LUZP2: variants seen among roughly 807,000 people sequenced by gnomAD.
The protein encoded by LUZP2 is leucine zipper protein 2.
In LUZP2, 52 loss-of-function variants were observed where a neutral mutation model predicts 51.6. The observed-to-expected ratio is 1.01, with a 90% CI of 0.81 to 1.27. The LOEUF is 1.27. LUZP2 is among the 50% of genes most tolerant of loss of function. The probability of loss-of-function intolerance (pLI) is 0.00; values close to 1 mark genes in which losing one functional copy is unlikely to be tolerated. For missense variants in LUZP2, 436 were observed against 395.4 expected (o/e 1.10, Z -0.87); for synonymous variants, 154 against 137.3 (o/e 1.12, Z -0.85).
At chr11:24,659,357 T>G (rs1408128365) in intron 1 of LUZP2, among the ~76,000 whole-genome samples, 1 of 151,834 alleles carries the variant, frequency 6.6e-6, no homozygotes, top group African/African-American at 2.4e-5. Flanking sequence ...CACTCATAGG[T>G]GGGAATTGAA....
At chr11:25,019,882 T>C (rs1562265) in intron 9 of LUZP2, among the ~76,000 whole-genome samples, 86,318 of 150,416 alleles carry the variant, frequency 0.57, 25,430 homozygotes, top group African/African-American at 0.74. Context: ...AAAATGACTC[T>C]AGATTTTCAC....
chr11:24,938,565 A>T (rs2133845624), intron 7 of LUZP2, among the ~76,000 whole-genome samples: 1 of 127,692 alleles, frequency 7.8e-6, no homozygotes, highest in Admixed American at 8.1e-5. Flanking sequence ...TATTGAAAAT[A>T]GCTCTGTGGA....
chr11:24,656,603 G>C (rs1169920309), intron 1 of LUZP2, among the ~76,000 whole-genome samples: 2 of 152,158 alleles, frequency 1.3e-5, no homozygotes, highest in Non-Finnish European at 2.9e-5. Flanking sequence ...ATCTTCTTCC[G>C]AGCTCCTTCA....
chr11:24,660,111 C>T (rs1017540954), intron 1 of LUZP2, among the ~76,000 whole-genome samples: 3 of 152,116 alleles, frequency 2.0e-5, no homozygotes, highest in Non-Finnish European at 4.4e-5. Flanking sequence ...AGGAAGCGAC[C>T]ATGCATTCTA....
chr11:24,520,273 A>C (rs1357461910), intron 1 of LUZP2, among the ~76,000 whole-genome samples: 1 of 152,222 alleles, frequency 6.6e-6, no homozygotes, highest in Non-Finnish European at 1.5e-5. Flanking sequence ...TCTAAAACGC[A>C]CTAGTGTATG....
At chr11:24,853,891 G>A (rs1488919884) in intron 5 of LUZP2, among the ~76,000 whole-genome samples, 3 of 152,192 alleles carry the variant, frequency 2.0e-5, no homozygotes, top group Admixed American at 6.5e-5. Context: ...CTACAGGTCT[G>A]TTGGAGTTTG....
At chr11:24,674,732 C>G (rs906255417) in intron 1 of LUZP2, among the ~76,000 whole-genome samples, 3 of 152,126 alleles carry the variant, frequency 2.0e-5, no homozygotes, top group African/African-American at 7.2e-5. Context: ...GTGAGATTTC[C>G]TATCTGCATC....
intron 8 of LUZP2, among the ~76,000 whole-genome samples, chr11:24,982,403 A>G (rs1856062885): frequency 6.6e-6 from 1 of 151,906 alleles, no homozygotes; most frequent in Non-Finnish European, 1.5e-5. Flanking sequence ...TGTGACACAT[A>G]TACACCATGG....
chr11:24,512,511 G>T (rs1340736729), intron 1 of LUZP2, among the ~76,000 whole-genome samples: 2 of 152,102 alleles, frequency 1.3e-5, no homozygotes, highest in Non-Finnish European at 2.9e-5. Context: ...TCATAATCAT[G>T]AAGTTACCTA....
chr11:24,533,332 T>G (rs1851072168), intron 1 of LUZP2, among the ~76,000 whole-genome samples: 1 of 151,336 alleles, frequency 6.6e-6, no homozygotes, highest in Non-Finnish European at 1.5e-5. Flanking sequence ...GGATCTTTTT[T>G]AACTTTGTAC....
intron 10 of LUZP2, among the ~76,000 whole-genome samples, chr11:25,055,014 T>TC (rs1166040918): frequency 6.1e-5 from 8 of 131,636 alleles, no homozygotes; most frequent in African/African-American, 2.5e-4. Flanking sequence ...TTCTTTTCTT[T>TC]TTTTTTTTTT....
intron 5 of LUZP2, among the ~76,000 whole-genome samples, chr11:24,895,310 G>GTA (rs978504642): frequency 1.3e-4 from 19 of 151,844 alleles, no homozygotes; most frequent in Non-Finnish European, 1.9e-4. Flanking sequence ...TAAGGAATGA[G>GTA]TATATATATA....
chr11:24,618,098 G>T lies in LUZP2; in HGVS notation c.63-111071G>T, dbSNP rs375042782. 2.1e-4 allele frequency among the ~76,000 whole-genome samples: 32 copies of T among 152,206 alleles called. No homozygotes were observed. The South Asian group carries it at 6.0e-3, about 29-fold the overall frequency. ...CTCATTATTGCTGGGCATGTGTGAG[G>T]GTTTTCACTATCAATGTGGCCTACA... On this transcript the variant is annotated intron_variant, in intron 1 of 11. Coordinates refer to ENST00000336930, the MANE Select transcript of LUZP2 (RefSeq NM_001009909.4).
At chr11:25,064,306 T>G (rs1461648921) in intron 10 of LUZP2, among the ~76,000 whole-genome samples, 3 of 152,120 alleles carry the variant, frequency 2.0e-5, no homozygotes, top group Admixed American at 2.0e-4. Context: ...TGTTGACATT[T>G]AAATAGATGG....
chr11:24,622,658 T>G (rs1355712270), intron 1 of LUZP2, among the ~76,000 whole-genome samples: 1 of 152,146 alleles, frequency 6.6e-6, no homozygotes, highest in African/African-American at 2.4e-5. Context: ...TTATTAACAG[T>G]TTAACTTTGG....
chr11:24,802,630 T>G (rs901313449), intron 5 of LUZP2, among the ~76,000 whole-genome samples: 14 of 151,992 alleles, frequency 9.2e-5, no homozygotes, highest in African/African-American at 3.4e-4. Context: ...TGAAACTCTG[T>G]GCCTATTGAA....
intron 5 of LUZP2, among the ~76,000 whole-genome samples, chr11:24,804,899 G>T (rs1454843851): frequency 1.3e-5 from 2 of 151,978 alleles, no homozygotes; most frequent in Non-Finnish European, 2.9e-5. Flanking sequence ...GAGTACAATG[G>T]TGCAATCTTG....
At chr11:24,816,191 G>A (rs995387838) in intron 5 of LUZP2, among the ~76,000 whole-genome samples, 1 of 151,946 alleles carries the variant, frequency 6.6e-6, no homozygotes, top group Non-Finnish European at 1.5e-5. Context: ...CACCCCACGT[G>A]GTAGTTAGAA....
intron 1 of LUZP2, among the ~76,000 whole-genome samples, chr11:24,539,657 C>T (rs1034445501): frequency 2.0e-5 from 3 of 151,892 alleles, no homozygotes; most frequent in Non-Finnish European, 4.4e-5. Context: ...AGGGGAAAAA[C>T]AAGTAATCAA....
Sources: gnomAD v4.1 joint callset for allele counts (sites outside exome capture counted in the v4.1 genomes callset) on GRCh38, gnomAD v4.1.1 for gene constraint, MANE v1.5 for transcripts, NCBI Gene and HGNC (gene_info 2026-07-23, HGNC 2026-07-21) for gene names.